The following IRF6 variants were observed in gnomAD, a reference collection of about 807,000 sequenced individuals.
The protein encoded by IRF6 is Van der Woude syndrome.
Under a neutral mutation model 51.4 loss-of-function variants are expected in IRF6, and 6 were observed. That is an observed-to-expected ratio of 0.12 (90% CI 0.06 to 0.23). The LOEUF is 0.23. IRF6 is among the 10% of genes least tolerant of loss of function. The pLI is 1.00. For synonymous variants in IRF6, 178 were observed against 215.7 expected (o/e 0.83, Z 1.53); for missense variants, 348 against 585.2 (o/e 0.59, Z 4.18).
At chr1:209,795,855 G>T (rs1327194385) in intron 4 of IRF6, among the ~76,000 whole-genome samples, 1 of 151,904 alleles carries the variant, frequency 6.6e-6, no homozygotes, top group Non-Finnish European at 1.5e-5. Context: ...AACAGATCAT[G>T]TTAATTTTTT....
chr1:209,793,907 C>CT (rs1051593630), intron 5 of IRF6, among the ~76,000 whole-genome samples: 1 of 152,136 alleles, frequency 6.6e-6, no homozygotes, highest in Non-Finnish European at 1.5e-5. Context: ...TGATCTTACT[C>CT]TTTTTTATGG....
chr1:209,801,273 G>A lies in IRF6; in HGVS notation c.141C>T (p.Ser47=). The A allele has an allele frequency of 6.2e-7, 1 of 1,614,010 alleles. No individual in the cohort carries two copies. Among genetic ancestry groups the A allele is most frequent in the Non-Finnish European group, 8.5e-7 (1 of 1,179,938 alleles). Reference sequence around the variant, plus strand: ...TGGTATTTTCCTCTTCTTGTTGAGGGCTATGCCGGGTGGCATGTTTCCAGG... The same window carrying A: ...TGGTATTTTCCTCTTCTTGTTGAGGACTATGCCGGGTGGCATGTTTCCAGG... ...QIPWKHATRH[S]PQQEEENTIF... is the part of the protein sequence containing the mutation. The change falls in exon 3 of 9, where the codon AGC becomes AGT. Residue 47 remains serine, a synonymous_variant. Transcript: ENST00000367021.
At chr1:209,799,763 C>T (rs953332423) in intron 3 of IRF6, among the ~76,000 whole-genome samples, 2 of 152,268 alleles carry the variant, frequency 1.3e-5, no homozygotes, top group African/African-American at 2.4e-5. Context: ...AAGATGGGCC[C>T]GTGCCCTTCT....
In IRF6 at chr1:209,802,013, G is replaced by A. The variant is rs989064513; in HGVS notation, c.-45C>T. ...TGTGTCCACAGGGATCTGAAGAGTCGGCTTGTCTTTCCCTTGACCGCTCAA... is the reference window on the plus strand; with the variant it reads ...TGTGTCCACAGGGATCTGAAGAGTCAGCTTGTCTTTCCCTTGACCGCTCAA... On this transcript the variant is annotated 5_prime_UTR_variant, in exon 2 of 9. Coordinates refer to ENST00000367021, the MANE Select transcript of IRF6 (RefSeq NM_006147.4). 3.9e-5 allele frequency: 6 copies of A among 152,176 alleles called. No individual in the cohort carries two copies. The highest frequency in any genetic ancestry group is 2.1e-4 in the South Asian group (1 of 4,822). 9.4% of individuals were successfully genotyped at this position (152,176 alleles called of 1,614,324 possible). A position where few individuals can be genotyped will look rare whatever the true frequency, so the allele number is the denominator to read the frequency against.
chr1:209,796,421 C>T lies in IRF6; in HGVS notation c.306G>A (p.Glu102=). 1.2e-6 allele frequency: 2 copies of T among 1,614,184 alleles called. No individual in the cohort carries two copies. Among genetic ancestry groups the T allele is most frequent in the Non-Finnish European group, 1.7e-6 (2 of 1,180,032 alleles). Residue 102 remains glutamate, a synonymous_variant, in exon 4 of 9, where the codon GAG becomes GAA. Transcript: ENST00000367021. The surrounding 1 kb of genome is among the most constrained non-coding windows in gnomAD (Gnocchi z 4.5). ...EFNLMYDGTK[E]VPMNPVKIYQ... is the part of the protein sequence containing the mutation. ...ATATCTTCACTGGGTTCATGGGCAC[C>T]TCCTTGGTGCCATCATACATCAGGT...
chr1:209,788,793 G>C, intron 8 of IRF6, 149 bp from the exon 9 acceptor site: 1 of 691,982 alleles, frequency 1.4e-6, no homozygotes, highest in African/African-American at 1.8e-5. Flanking sequence ...TCATCTCTCT[G>C]GACCATCCTT....
In IRF6 at chr1:209,790,792, C is replaced by T. The variant is rs1340604552; in HGVS notation, c.763G>A (p.Asp255Asn). Residue 255 changes from aspartate (D) to asparagine (N), a missense_variant, in exon 7 of 9, where the codon GAC (aspartate) becomes AAC (asparagine). Asp to Asn is a conservative substitution (Grantham distance 23). This residue lies in a region of IRF6 where 125 missense variants were observed against 222.0 expected (regional missense o/e 0.56). Coordinates refer to ENST00000367021, the MANE Select transcript of IRF6 (RefSeq NM_006147.4). This position sits in a 1 kb window ranked among gnomAD's most constrained non-coding sequence, Gnocchi z 4.8. ...TCCTGGTCAGGCATGGGACCCAGGT[C>T]CCCATAGAAGAGTCGGCAGCCCTGA... ...NPQGCRLFYG[D>N]LGPMPDQEEL... The T allele has an allele frequency of 6.2e-7, 1 of 1,614,044 alleles. No individual in the cohort carries two copies. Among genetic ancestry groups the T allele is most frequent in the African/African-American group, 1.3e-5 (1 of 74,936 alleles).
Position 209,785,873 on chromosome 1 carries a change from G to C in IRF6, c.*2547C>G, listed in dbSNP as rs1393364616. The C allele has an allele frequency of 6.6e-6, 1 of 152,180 alleles. No homozygotes were observed. The highest frequency in any genetic ancestry group is 1.5e-5 in the Non-Finnish European group (1 of 68,026). 9.4% of individuals were successfully genotyped at this position (152,180 alleles called of 1,614,324 possible). A position where few individuals can be genotyped will look rare whatever the true frequency, so the allele number is the denominator to read the frequency against. On this transcript the variant is annotated 3_prime_UTR_variant, in exon 9 of 9. Coordinates refer to ENST00000367021, the MANE Select transcript of IRF6 (RefSeq NM_006147.4). ...TGATTATTCTGAGAGAGGAAGTATG[G>C]GGTGCTATGGGAACATACAACCAGG...
In IRF6 at chr1:209,790,810, A is replaced by C; in HGVS notation, c.745T>G (p.Cys249Gly). The C allele has an allele frequency of 6.2e-7, 1 of 1,614,096 alleles. No individual in the cohort carries two copies. The highest frequency in any genetic ancestry group is 8.5e-7 in the Non-Finnish European group (1 of 1,180,034). ...CCCAGGTCCCCATAGAAGAGTCGGC[A>C]GCCCTGAGGGTTGCTCACGGTCATG... Reference protein sequence around the residue: ...QTMTVSNPQGCRLFYGDLGPM... With the variant: ...QTMTVSNPQGGRLFYGDLGPM... The change falls in exon 7 of 9, where the codon TGC (cysteine) becomes GGC (glycine). Residue 249 changes from cysteine to glycine, a missense_variant. Cys to Gly is a radical substitution (Grantham distance 159). This residue lies in a region of IRF6 where 125 missense variants were observed against 222.0 expected (regional missense o/e 0.56). Coordinates refer to ENST00000367021, the MANE Select transcript of IRF6 (RefSeq NM_006147.4). This position sits in a 1 kb window ranked among gnomAD's most constrained non-coding sequence, Gnocchi z 4.8.
intron 1 of IRF6, among the ~76,000 whole-genome samples, chr1:209,802,427 A>T (rs2077949667): frequency 6.6e-6 from 1 of 152,248 alleles, no homozygotes; most frequent in Non-Finnish European, 1.5e-5. Context: ...AAGCCTTCCC[A>T]GATTGGGTGA....
intron 3 of IRF6, among the ~76,000 whole-genome samples, chr1:209,797,716 G>A (rs2077911926): frequency 6.6e-6 from 1 of 152,166 alleles, no homozygotes; most frequent in Non-Finnish European, 1.5e-5. Flanking sequence ...AGGTGCTCAG[G>A]AGCAAAGCAG....
chr1:209,796,351 G>C lies in IRF6; in HGVS notation c.376C>G (p.Pro126Ala). The C allele has an allele frequency of 6.2e-7, 1 of 1,613,746 alleles. No individual in the cohort carries two copies. The change falls in exon 4 of 9, where the codon CCA (proline) becomes GCA (alanine). Residue 126 changes from proline to alanine, a missense_variant. This residue lies in a region of IRF6 where 124 missense variants were observed against 141.6 expected (regional missense o/e 0.88). Transcript: ENST00000367021. The surrounding 1 kb of genome is among the most constrained non-coding windows in gnomAD (Gnocchi z 4.5). ...TCCCCAGCACCTGGGGCCTCACCTG[G>C]GTTAATGATCGAGCCCTGGGGCTGA... ...IPQPQGSIIN[P>A]GSTGSAPWDE... is the part of the protein sequence containing the mutation.
In IRF6 at chr1:209,788,453, G is replaced by A; in HGVS notation, c.1371C>T (p.Ser457=). The A allele has an allele frequency of 6.2e-7, 1 of 1,613,754 alleles. No individual in the cohort carries two copies. The highest frequency in any genetic ancestry group is 1.3e-5 in the African/African-American group (1 of 75,006). The change falls in exon 9 of 9, where the codon AGC becomes AGT. Residue 457 remains serine (S), a synonymous_variant. Coordinates refer to ENST00000367021, the MANE Select transcript of IRF6 (RefSeq NM_006147.4). ...GAGGCAGGGCAGGGGGCAGTTGCATGCTGGGGGTGGGCTGCATGGGCTGCC... is the reference window on the plus strand; with the variant it reads ...GAGGCAGGGCAGGGGGCAGTTGCATACTGGGGGTGGGCTGCATGGGCTGCC... ...ESWQPMQPTP[S]MQLPPALPPQ
Position 209,796,573 on chromosome 1 carries a change from T to C in IRF6, c.175-21A>G. 1.2e-6 allele frequency: 2 copies of C among 1,603,556 alleles called. No individual in the cohort carries two copies. Among genetic ancestry groups the C allele is most frequent in the Middle Eastern group, 2.2e-4 (1 of 4,532 alleles). On this transcript the variant is annotated intron_variant, in intron 3 of 8. Transcript: ENST00000367021. This position sits in a 1 kb window ranked among gnomAD's most constrained non-coding sequence, Gnocchi z 4.5. ...CAGGCCTGAGAACAAGAAACCACAG[T>C]GAGTCCTATCATTGCCCAGAGCCAC... is the stretch of plus-strand genomic sequence containing the variant.
intron 1 of IRF6, among the ~76,000 whole-genome samples, chr1:209,804,756 T>C (rs2077963604): frequency 6.6e-6 from 1 of 152,150 alleles, no homozygotes; most frequent in East Asian, 1.9e-4. Flanking sequence ...AGGTCCTCCA[T>C]AAACACCCTC....
chr1:209,789,945 AT>A (rs1425299910), intron 7 of IRF6, among the ~76,000 whole-genome samples, 160 bp from the exon 8 acceptor site: 1 of 152,254 alleles, frequency 6.6e-6, no homozygotes, highest in Non-Finnish European at 1.5e-5. Flanking sequence ...TCATATTTAC[AT>A]GCTCAATAGC....
Position 209,792,384 on chromosome 1 carries a change from G to C in IRF6, c.552C>G (p.Gly184=), listed in dbSNP as rs752446169. Residue 184 remains glycine, a synonymous_variant, in exon 6 of 9, where the codon GGC becomes GGG. Transcript: ENST00000367021. ...APASVGNCSV[G]NCSPEAVWPK... is the part of the protein sequence containing the mutation. ...GCCACACTGCCTCCGGGCTGCAGTTGCCCACACTGCAATTGCCCACACTGG... is the reference window on the plus strand; with the variant it reads ...GCCACACTGCCTCCGGGCTGCAGTTCCCCACACTGCAATTGCCCACACTGG... 1 of 1,614,168 alleles carries C rather than the reference G, an allele frequency of 6.2e-7. No individual in the cohort carries two copies. The highest frequency in any genetic ancestry group is 1.1e-5 in the South Asian group (1 of 91,082).
Position 209,801,419 on chromosome 1 carries a change from G to C in IRF6, c.-3-3C>G, listed in dbSNP as rs1404291807. ...CTGCGGGGGTGGAGGGCCATGATCT[G>C]GGGGGGTCAGAGGGAGAAATGGGAA... On this transcript the variant is annotated splice_region_variant and splice_polypyrimidine_tract_variant and intron_variant, in intron 2 of 8. Coordinates refer to ENST00000367021, the MANE Select transcript of IRF6 (RefSeq NM_006147.4). 1 of 1,571,080 alleles carries C rather than the reference G, an allele frequency of 6.4e-7. No homozygotes were observed. Among genetic ancestry groups the C allele is most frequent in the Non-Finnish European group, 8.6e-7 (1 of 1,160,832 alleles).
In IRF6 at chr1:209,790,460, G is replaced by A. The variant is rs765334413; in HGVS notation, c.1060+35C>T. ...TGGAAGGAATGTACTTCCAGAGAGT[G>A]ATTCCCACGATCAACTTTCTGAGAA... On this transcript the variant is annotated intron_variant, in intron 7 of 8. Transcript: ENST00000367021. This position sits in a 1 kb window ranked among gnomAD's most constrained non-coding sequence, Gnocchi z 4.8. 3 of 1,605,066 alleles carry A rather than the reference G, an allele frequency of 1.9e-6. No individual in the cohort carries two copies. In the Admixed American group the frequency reaches 5.0e-5, roughly 27 times the overall value.
Sources: gnomAD v4.1 joint callset for allele counts (sites outside exome capture counted in the v4.1 genomes callset) on GRCh38, gnomAD v4.1.1 for gene constraint, gnomAD v4.1.1 regional missense constraint, Gnocchi (gnomAD v3.1) non-coding constraint, MANE v1.5 for transcripts, NCBI Gene and HGNC (gene_info 2026-07-23, HGNC 2026-07-21) for gene names.